Variants in CNTNAP5 observed in about 807,000 individuals in gnomAD.
The protein encoded by CNTNAP5 is contactin-associated protein-like 5.
A neutral mutation model predicts 150.2 loss-of-function variants in CNTNAP5; 72 were observed. The ratio of observed to expected loss-of-function variants is 0.48; its 90% CI spans 0.40 to 0.58. The LOEUF is 0.58. Ranked by LOEUF, CNTNAP5 falls within the 20% of genes least tolerant of loss-of-function variation. The pLI is 0.00. For synonymous variants in CNTNAP5, 672 were observed against 619.8 expected (o/e 1.08, Z -1.25); for missense variants, 1,636 against 1,626.2 (o/e 1.01, Z -0.10).
At chr2:124,801,043 C>T (rs568516635) in intron 19 of CNTNAP5, among the ~76,000 whole-genome samples, 62 of 152,236 alleles carry the variant, frequency 4.1e-4, no homozygotes, top group Admixed American at 1.3e-3. Context: ...GCTTGGAACA[C>T]CCCCACCACA....
chr2:124,553,521 G>C (rs56986181), intron 10 of CNTNAP5, among the ~76,000 whole-genome samples: 1 of 128,532 alleles, frequency 7.8e-6, no homozygotes, highest in Non-Finnish European at 1.7e-5. Flanking sequence ...AAAAAAAAAA[G>C]TTAGAATGCA....
chr2:124,716,569 A>G (rs892994827), intron 13 of CNTNAP5, among the ~76,000 whole-genome samples: 3 of 151,490 alleles, frequency 2.0e-5, no homozygotes, highest in Non-Finnish European at 2.9e-5. Flanking sequence ...AACATTTTGC[A>G]TTACACTGTA....
chr2:124,146,027 A>G (rs992320249), intron 1 of CNTNAP5, among the ~76,000 whole-genome samples: 1 of 152,064 alleles, frequency 6.6e-6, no homozygotes, highest in Non-Finnish European at 1.5e-5. Flanking sequence ...TTTGTGAGCA[A>G]TATTTTGTCT....
chr2:124,708,611 A>G (rs1328671918), intron 13 of CNTNAP5, among the ~76,000 whole-genome samples: 2 of 152,200 alleles, frequency 1.3e-5, no homozygotes, highest in African/African-American at 4.8e-5. Flanking sequence ...TAGTGTTGTG[A>G]CAGACATTGG....
At chr2:124,227,633 C>CGTGTGTGTGTGTGT (rs760848365) in intron 2 of CNTNAP5, among the ~76,000 whole-genome samples, 28 of 122,100 alleles carry the variant, frequency 2.3e-4, no homozygotes, top group Non-Finnish European at 3.9e-4. Context: ...CTCAGCACAT[C>CGTGTGTGTGTGTGT]GTGTGTATGT....
At chr2:124,201,363 A>G (rs1317371852) in intron 1 of CNTNAP5, among the ~76,000 whole-genome samples, 1 of 152,254 alleles carries the variant, frequency 6.6e-6, no homozygotes, top group East Asian at 1.9e-4. Flanking sequence ...CTTCATTGAC[A>G]TTCGAAAAAG....
At chr2:124,864,528 T>TTCTCTC (rs145502587) in intron 19 of CNTNAP5, among the ~76,000 whole-genome samples, 4 of 147,804 alleles carry the variant, frequency 2.7e-5, no homozygotes, top group Non-Finnish European at 4.5e-5. Context: ...TGAGCTAATA[T>TTCTCTC]TCTCTCTCTC....
At chr2:124,860,178 A>G (rs1162405041) in intron 19 of CNTNAP5, among the ~76,000 whole-genome samples, 3 of 134,302 alleles carry the variant, frequency 2.2e-5, no homozygotes, top group East Asian at 2.2e-4. Context: ...GGTGAAACCC[A>G]TCTCTACTAA....
chr2:124,678,218 G>T (rs1474837364), intron 13 of CNTNAP5, among the ~76,000 whole-genome samples: 1 of 151,782 alleles, frequency 6.6e-6, no homozygotes, highest in Non-Finnish European at 1.5e-5. Context: ...CCCCAGGAAG[G>T]TTGCATAGCA....
intron 1 of CNTNAP5, among the ~76,000 whole-genome samples, chr2:124,163,843 T>C (rs1684745299): frequency 7.1e-6 from 1 of 140,348 alleles, no homozygotes; most frequent in South Asian, 2.5e-4. Flanking sequence ...ACTTCAATTA[T>C]TGCTTCTGCA....
intron 3 of CNTNAP5, among the ~76,000 whole-genome samples, chr2:124,410,973 A>G (rs1352662795): frequency 6.6e-6 from 1 of 152,188 alleles, no homozygotes; most frequent in Non-Finnish European, 1.5e-5. Flanking sequence ...CAAAATTGAT[A>G]GACCGCTAGC....
chr2:124,754,164 C>T (rs1424078028), intron 14 of CNTNAP5, among the ~76,000 whole-genome samples: 1 of 152,098 alleles, frequency 6.6e-6, no homozygotes, highest in Non-Finnish European at 1.5e-5. Context: ...TTAAGGGCGC[C>T]TTAGACCACA....
intron 22 of CNTNAP5, 131 bp from the exon 23 acceptor site, chr2:124,911,336 A>T: frequency 1.5e-6 from 1 of 669,610 alleles, no homozygotes; most frequent in Middle Eastern, 2.6e-4. Flanking sequence ...TCCTTGCAAC[A>T]TATCAACTCA....
chr2:124,504,703 ATTTTT>A (rs34518488), intron 8 of CNTNAP5, 147 bp downstream of exon 8: 817 of 369,470 alleles, frequency 2.2e-3, no homozygotes, highest in East Asian at 5.0e-3. Context: ...AAGAGGCAGC[ATTTTT>A]TTTTTTTTTT....
intron 19 of CNTNAP5, among the ~76,000 whole-genome samples, chr2:124,842,387 T>C (rs139278525): frequency 6.6e-6 from 1 of 152,170 alleles, no homozygotes; most frequent in Admixed American, 6.6e-5. Flanking sequence ...ATTTTGCTTG[T>C]ATATATGAAC....
At chr2:124,454,563 A>G (rs1218608318) in intron 6 of CNTNAP5, among the ~76,000 whole-genome samples, 2 of 152,178 alleles carry the variant, frequency 1.3e-5, no homozygotes, top group Non-Finnish European at 2.9e-5. Context: ...AGATATTTAC[A>G]TAACATTCCA....
intron 1 of CNTNAP5, among the ~76,000 whole-genome samples, chr2:124,154,584 C>T (rs1684481169): frequency 6.6e-6 from 1 of 152,124 alleles, no homozygotes; most frequent in Non-Finnish European, 1.5e-5. Flanking sequence ...ACAAAGAGAC[C>T]TCCACTGGAA....
At chr2:124,411,512 T>A (rs1373572430) in intron 3 of CNTNAP5, among the ~76,000 whole-genome samples, 1 of 148,014 alleles carries the variant, frequency 6.8e-6, no homozygotes, top group East Asian at 1.9e-4. Flanking sequence ...CAGCAGCACA[T>A]CAAAAAGCTT....
chr2:124,120,792 T>C lies in CNTNAP5; in HGVS notation c.82+95060T>C, dbSNP rs573386421. Reference sequence around the variant, plus strand: ...GTCTTACAAGAAAGTAAAATAGATATCAACTAAATGAAGACATGTCATTTT... The same window carrying C: ...GTCTTACAAGAAAGTAAAATAGATACCAACTAAATGAAGACATGTCATTTT... On this transcript the variant is annotated intron_variant, in intron 1 of 23. Transcript: ENST00000682447. 5.9e-5 allele frequency among the ~76,000 whole-genome samples: 9 copies of C among 152,244 alleles called. No individual in the cohort carries two copies. The East Asian group carries it at 1.7e-3, about 29-fold the overall frequency.
Sources: gnomAD v4.1 joint callset for allele counts (sites outside exome capture counted in the v4.1 genomes callset) on GRCh38, gnomAD v4.1.1 for gene constraint, MANE v1.5 for transcripts, NCBI Gene and HGNC (gene_info 2026-07-23, HGNC 2026-07-21) for gene names.